Variants in MECR observed in about 807,000 individuals in gnomAD.
MECR encodes the protein enoyl-[acyl-carrier-protein] reductase, mitochondrial.
In MECR, 37 loss-of-function variants were observed where a neutral mutation model predicts 49.1. The observed-to-expected ratio is 0.75, with a 90% CI of 0.58 to 0.99. The LOEUF (loss-of-function observed/expected upper bound fraction) is 0.99, where lower values mean the gene tolerates loss of function less well. Ranked by LOEUF, MECR falls within the 50% of genes least tolerant of loss-of-function variation. The pLI is 0.00. For synonymous variants in MECR, 198 were observed against 191.1 expected, an observed-to-expected ratio of 1.04 and a Z score of -0.30; for missense variants, 470 against 479.6, an observed-to-expected ratio of 0.98 and a Z score of 0.19.
intron 5 of MECR, among the ~76,000 whole-genome samples, chr1:29,202,558 A>G (rs915594604): frequency 6.6e-6 from 1 of 152,202 alleles, no homozygotes; most frequent in Non-Finnish European, 1.5e-5. Context: ...AGTGAGGCCT[A>G]GAGAAACTGG....
chr1:29,190,056 G>A (rs1673091337), downstream of MECR, among the ~76,000 whole-genome samples: 1 of 152,160 alleles, frequency 6.6e-6, no homozygotes, highest in African/African-American at 2.4e-5. Context: ...TGGGTGTCAG[G>A]GAGCCAGGCT....
rs184238880 is a variant in MECR, at chr1:29,202,140, T to C, written c.654-95A>G. The C allele has an allele frequency of 1.4e-4, 151 of 1,077,644 alleles. 1 individual carries two copies. The South Asian group carries it at 1.5e-3, about 11-fold the overall frequency. The allele number at this position is 1,077,644 out of a possible 1,614,324, so 66.8% of individuals were successfully genotyped here. On this transcript the variant is annotated intron_variant, in intron 5 of 9. Coordinates refer to ENST00000263702, the MANE Select transcript of MECR (RefSeq NM_016011.5). The stretch of plus-strand genomic sequence containing the variant: ...TGCCACAGCTGGGAGAACCCGTGCT[T>C]CTTTTTGCAGGAAGCTGGGATTAGG...
chr1:29,221,276 G>C (rs1459877095), intron 1 of MECR: 3 of 152,220 alleles, frequency 2.0e-5, no homozygotes, highest in African/African-American at 7.2e-5. Context: ...GAAACACTGG[G>C]AGAAGGGCTA....
chr1:29,215,906 C>T (rs1260932606), intron 3 of MECR, 99 bp downstream of exon 3: 10 of 1,375,356 alleles, frequency 7.3e-6, no homozygotes, highest in Non-Finnish European at 1.0e-5. Flanking sequence ...ATAAACCCTG[C>T]ATTACCCAGG....
intron 3 of MECR, among the ~76,000 whole-genome samples, chr1:29,210,067 G>A (rs1391475462): frequency 2.0e-5 from 3 of 150,580 alleles, no homozygotes; most frequent in Non-Finnish European, 2.9e-5. Flanking sequence ...CTGGAGTGCA[G>A]TGGCACGATC....
the MECR span, among the ~76,000 whole-genome samples, chr1:29,178,425 G>A: frequency 6.9e-6 from 1 of 145,502 alleles, no homozygotes; most frequent in African/African-American, 2.5e-5. Context: ...CTCACTGCAA[G>A]CTCCACCTCC....
chr1:29,196,286 G>A lies in MECR; in HGVS notation c.831-28C>T, dbSNP rs770734161. 1.5e-5 allele frequency: 24 copies of A among 1,595,512 alleles called. No homozygotes were observed. In the Middle Eastern group the frequency reaches 6.7e-4, roughly 45 times the overall value. On this transcript the variant is annotated intron_variant, in intron 7 of 9. Transcript: ENST00000263702. ...GAAAAGTCCAAAGAGAACAAAGAGT[G>A]GATGCAAGGCAGAGACAGAGCCCTT...
At chr1:29,175,882 T>C in the MECR span, among the ~76,000 whole-genome samples, 3 of 152,124 alleles carry the variant, frequency 2.0e-5, no homozygotes, top group African/African-American at 4.8e-5. Context: ...GTCTTCCTTT[T>C]CTTAACATAG....
At chr1:29,192,209 T>G (rs3222), downstream of MECR, among the ~76,000 whole-genome samples, 17,479 of 152,188 alleles carry the variant, frequency 0.11, 1,366 homozygotes, top group East Asian at 0.41. Flanking sequence ...TTGTGATCTG[T>G]ACCTCACCCA....
At chr1:29,204,334 G>A (rs1676043316) in intron 4 of MECR, among the ~76,000 whole-genome samples, 2 of 152,110 alleles carry the variant, frequency 1.3e-5, no homozygotes, top group Non-Finnish European at 2.9e-5. Flanking sequence ...GTCACACAAC[G>A]GGCTGAAACT....
chr1:29,182,812 G>A, the MECR span, among the ~76,000 whole-genome samples: 5 of 152,222 alleles, frequency 3.3e-5, no homozygotes, highest in South Asian at 2.1e-4. Context: ...CCAAAGTGCT[G>A]GGATTACAGG....
the MECR span, chr1:29,173,130 C>CTTTTTTTTTTTT: frequency 1.3e-5 from 1 of 78,558 alleles, no homozygotes; most frequent in Non-Finnish European, 2.3e-5. Flanking sequence ...GTCAAAAAGG[C>CTTTTTTTTTTTT]TTTTTTTTTT....
At chr1:29,196,099 G>A (rs1457104457) in intron 8 of MECR, 86 bp from the exon 9 acceptor site, 1 of 1,597,226 alleles carries the variant, frequency 6.3e-7, no homozygotes, top group East Asian at 2.2e-5. Flanking sequence ...CCAGGAACGG[G>A]GCATTGCCTA....
intron 1 of MECR, chr1:29,223,398 CTGAGA>C (rs1358523373): frequency 6.4e-6 from 3 of 470,148 alleles, no homozygotes; most frequent in Non-Finnish European, 8.4e-6. Flanking sequence ...GCTAGCTCTG[CTGAGA>C]TATCTTTCCT....
chr1:29,200,440 C>T (rs1675032562), intron 7 of MECR, 76 bp downstream of exon 7: 6 of 1,396,826 alleles, frequency 4.3e-6, no homozygotes, highest in African/African-American at 1.4e-5. Context: ...CGATGGGACT[C>T]AGTCACTTGA....
At chr1:29,199,018 A>G (rs1674680907) in intron 7 of MECR, among the ~76,000 whole-genome samples, 1 of 152,190 alleles carries the variant, frequency 6.6e-6, no homozygotes, top group Non-Finnish European at 1.5e-5. Context: ...AGTCTGGTGC[A>G]TGGTGAATAC....
intron 1 of MECR, among the ~76,000 whole-genome samples, chr1:29,227,655 C>T (rs970288946): frequency 1.3e-5 from 2 of 152,186 alleles, no homozygotes; most frequent in Non-Finnish European, 2.9e-5. Flanking sequence ...CATCACAAAC[C>T]ACACTAGTTC....
At chr1:29,195,863 A>T (rs1305436660) in intron 9 of MECR, 78 bp downstream of exon 9, 1 of 1,453,722 alleles carries the variant, frequency 6.9e-7, no homozygotes, top group Non-Finnish European at 9.7e-7. Context: ...TCCAGGGCTC[A>T]GAATAGCTGG....
the MECR span, chr1:29,171,998 T>C: frequency 6.6e-6 from 1 of 152,204 alleles, no homozygotes; most frequent in Non-Finnish European, 1.5e-5. Context: ...ATTTACGCTG[T>C]TAACATTTGG....
Sources: gnomAD v4.1 joint callset for allele counts (sites outside exome capture counted in the v4.1 genomes callset) on GRCh38, gnomAD v4.1.1 for gene constraint, MANE v1.5 for transcripts, NCBI Gene and HGNC (gene_info 2026-07-23, HGNC 2026-07-21) for gene names.